NXPH1: variants seen among roughly 807,000 people sequenced by gnomAD.
NXPH1 encodes neurexophilin 1, also known as neurexophilin-1.
A neutral mutation model predicts 23.7 loss-of-function variants in NXPH1; 5 were observed. That is an observed-to-expected ratio of 0.21 (90% CI 0.11 to 0.44). NXPH1 has a LOEUF of 0.44. Ranked by LOEUF, NXPH1 falls within the 20% of genes least tolerant of loss-of-function variation. The probability of loss-of-function intolerance (pLI) is 0.99; values close to 1 mark genes in which losing one functional copy is unlikely to be tolerated. For missense variants in NXPH1, 324 were observed against 321.6 expected, an observed-to-expected ratio of 1.01 and a Z score of -0.06; for synonymous variants, 144 against 122.2, an observed-to-expected ratio of 1.18 and a Z score of -1.18.
At chr7:8,520,831 C>T (rs995781266) in intron 2 of NXPH1, among the ~76,000 whole-genome samples, 3 of 152,100 alleles carry the variant, frequency 2.0e-5, no homozygotes, top group African/African-American at 7.2e-5. Context: ...TTCATTTTCT[C>T]TTTGGTAAGG....
At chr7:8,514,995 C>G (rs1368179398) in intron 2 of NXPH1, among the ~76,000 whole-genome samples, 2 of 152,084 alleles carry the variant, frequency 1.3e-5, no homozygotes, top group Non-Finnish European at 2.9e-5. Flanking sequence ...TTTCTCCCTT[C>G]CCAAAGAACA....
intron 2 of NXPH1, among the ~76,000 whole-genome samples, chr7:8,570,678 C>T (rs1025151047): frequency 6.6e-6 from 1 of 151,720 alleles, no homozygotes; most frequent in Non-Finnish European, 1.5e-5. Flanking sequence ...ACTCTAAGTA[C>T]AACTTAGACA....
In NXPH1 at chr7:8,523,132, T is replaced by G. The variant is rs144936724; in HGVS notation, c.54+87365T>G. Among the ~76,000 whole-genome samples the G allele has an allele frequency of 1.2e-4, 19 of 152,358 alleles. No individual in the cohort carries two copies. The East Asian group carries it at 3.7e-3, about 29-fold the overall frequency. ...AAAATGATTGTTGGATGAGTGGATATAACCAGTAATGCTGGCACAGTTTAG... is the reference window on the plus strand; with the variant it reads ...AAAATGATTGTTGGATGAGTGGATAGAACCAGTAATGCTGGCACAGTTTAG... On this transcript the variant is annotated intron_variant, in intron 2 of 2. Coordinates refer to ENST00000405863, the MANE Select transcript of NXPH1 (RefSeq NM_152745.3).
At chr7:8,509,451 C>G (rs916700637) in intron 2 of NXPH1, among the ~76,000 whole-genome samples, 1 of 152,214 alleles carries the variant, frequency 6.6e-6, no homozygotes, top group South Asian at 2.1e-4. Context: ...CATCTATTCT[C>G]TTTATTTCTT....
Position 8,651,386 on chromosome 7 carries a change from G to T in NXPH1, c.55-99622G>T, listed in dbSNP as rs558181981. ...CAGTCTATCATTGTTGGACATTTGG[G>T]TTGGTTCCAAGTCTTTGCTATTGTG... is the stretch of plus-strand genomic sequence containing the variant. On this transcript the variant is annotated intron_variant, in intron 2 of 2. Coordinates refer to ENST00000405863, the MANE Select transcript of NXPH1 (RefSeq NM_152745.3). 5.8e-3 allele frequency among the ~76,000 whole-genome samples: 616 copies of T among 106,794 alleles called. 6 individuals carry two copies. The highest frequency in any genetic ancestry group is 9.4e-3 in the Non-Finnish European group (470 of 49,898). 70.1% of individuals were successfully genotyped at this position (106,794 alleles called of 152,430 possible). A position where few individuals can be genotyped will look rare whatever the true frequency, so the allele number is the denominator to read the frequency against.
intron 2 of NXPH1, among the ~76,000 whole-genome samples, chr7:8,568,022 A>G (rs1163366985): frequency 6.6e-6 from 1 of 151,890 alleles, no homozygotes; most frequent in Non-Finnish European, 1.5e-5. Context: ...GCTGAATTGC[A>G]GGGCGAGTCT....
chr7:8,738,421 GA>G (rs1780299631), intron 2 of NXPH1, among the ~76,000 whole-genome samples: 2 of 152,184 alleles, frequency 1.3e-5, no homozygotes, highest in South Asian at 2.1e-4. Context: ...GTCCACTCCA[GA>G]CCCTGTTTGG....
chr7:8,599,075 G>A (rs1041691656), intron 2 of NXPH1, among the ~76,000 whole-genome samples: 8 of 152,134 alleles, frequency 5.3e-5, no homozygotes, highest in African/African-American at 1.7e-4. Context: ...TATAATGGAG[G>A]CAGTAGACAT....
chr7:8,651,995 C>T (rs1199854962), intron 2 of NXPH1, among the ~76,000 whole-genome samples: 1 of 152,054 alleles, frequency 6.6e-6, no homozygotes, highest in African/African-American at 2.4e-5. Flanking sequence ...TTGATCCTCC[C>T]ACCTCCACCC....
chr7:8,741,222 C>T (rs762893443), intron 2 of NXPH1, among the ~76,000 whole-genome samples: 6 of 152,060 alleles, frequency 3.9e-5, no homozygotes, highest in Non-Finnish European at 8.8e-5. Flanking sequence ...GACAGGATTT[C>T]CTTCTTTCTT....
At chr7:8,650,838 A>G (rs1820479303) in intron 2 of NXPH1, among the ~76,000 whole-genome samples, 1 of 152,232 alleles carries the variant, frequency 6.6e-6, no homozygotes, top group Non-Finnish European at 1.5e-5. Flanking sequence ...TCTTATTCAG[A>G]CACTCATTGT....
chr7:8,468,280 C>T (rs543112600), intron 2 of NXPH1, among the ~76,000 whole-genome samples: 2 of 152,086 alleles, frequency 1.3e-5, no homozygotes, highest in Admixed American at 1.3e-4. Context: ...ATGATCTTTC[C>T]TTGGAGTTTT....
chr7:8,535,849 C>T (rs192747503), intron 2 of NXPH1, among the ~76,000 whole-genome samples: 4 of 152,044 alleles, frequency 2.6e-5, no homozygotes, highest in South Asian at 4.1e-4. Context: ...TAAGGCAATA[C>T]GTGGTGGCAG....
chr7:8,510,336 CATT>C (rs1817591955), intron 2 of NXPH1, among the ~76,000 whole-genome samples: 1 of 152,048 alleles, frequency 6.6e-6, no homozygotes, highest in African/African-American at 2.4e-5. Flanking sequence ...CTTTCACAAA[CATT>C]ATTTTATATA....
intron 2 of NXPH1, among the ~76,000 whole-genome samples, chr7:8,533,536 A>C (rs1456556631): frequency 6.6e-6 from 1 of 152,182 alleles, no homozygotes; most frequent in Non-Finnish European, 1.5e-5. Flanking sequence ...CATGAAGAAA[A>C]TGTTTAAAAA....
intron 2 of NXPH1, among the ~76,000 whole-genome samples, chr7:8,468,384 T>A (rs1258543366): frequency 6.6e-6 from 1 of 152,084 alleles, no homozygotes; most frequent in Non-Finnish European, 1.5e-5. Flanking sequence ...TCTTGAAAAA[T>A]GTCTTCTTTG....
At chr7:8,667,576 A>G (rs910779641) in intron 2 of NXPH1, among the ~76,000 whole-genome samples, 7 of 151,474 alleles carry the variant, frequency 4.6e-5, no homozygotes, top group South Asian at 2.1e-4. Flanking sequence ...GAACTCTCAT[A>G]TATGTGATTT....
At chr7:8,532,059 C>G (rs776874740) in intron 2 of NXPH1, among the ~76,000 whole-genome samples, 3 of 152,100 alleles carry the variant, frequency 2.0e-5, no homozygotes, top group Non-Finnish European at 4.4e-5. Flanking sequence ...GCTCTGTGCT[C>G]CATAAAAAAT....
chr7:8,664,200 A>C (rs1369534122), intron 2 of NXPH1, among the ~76,000 whole-genome samples: 1 of 151,878 alleles, frequency 6.6e-6, no homozygotes, highest in Non-Finnish European at 1.5e-5. Flanking sequence ...TCCTCCCTCA[A>C]GTGCTTTCTC....
Sources: gnomAD v4.1 joint callset for allele counts (sites outside exome capture counted in the v4.1 genomes callset) on GRCh38, gnomAD v4.1.1 for gene constraint, MANE v1.5 for transcripts, NCBI Gene and HGNC (gene_info 2026-07-23, HGNC 2026-07-21) for gene names.